The following WDFY2 variants were observed in gnomAD, a reference collection of about 807,000 sequenced individuals.
The protein encoded by WDFY2 is WD repeat and FYVE domain-containing protein 2.
A neutral mutation model predicts 56.4 loss-of-function variants in WDFY2; 36 were observed. That is an observed-to-expected ratio of 0.64 (90% CI 0.49 to 0.84). The LOEUF (loss-of-function observed/expected upper bound fraction) is 0.84. Ranked by LOEUF, WDFY2 falls within the 40% of genes least tolerant of loss-of-function variation. WDFY2 has a pLI of 0.00. For missense variants in WDFY2, 444 were observed against 512.2 expected (o/e 0.87, Z 1.29); for synonymous variants, 176 against 183.7 (o/e 0.96, Z 0.34).
intron 8 of WDFY2, among the ~76,000 whole-genome samples, chr13:51,751,741 G>C (rs911558123): frequency 1.3e-5 from 2 of 152,080 alleles, no homozygotes; most frequent in African/African-American, 4.8e-5. Context: ...CTACAAAAAC[G>C]GAGGACTCAC....
At chr13:51,588,779 T>G (rs1442690646) in intron 1 of WDFY2, 2 of 152,178 alleles carry the variant, frequency 1.3e-5, no homozygotes, top group East Asian at 3.8e-4. Context: ...GTCCTCACAT[T>G]TTGAGGAATC....
At chr13:51,650,872 T>G (rs921458741) in intron 1 of WDFY2, among the ~76,000 whole-genome samples, 2 of 152,182 alleles carry the variant, frequency 1.3e-5, no homozygotes, top group African/African-American at 4.8e-5. Context: ...GGTCTAAAAT[T>G]CTCTTTTTTT....
intron 4 of WDFY2, among the ~76,000 whole-genome samples, chr13:51,705,735 A>G (rs1183766026): frequency 6.6e-6 from 1 of 152,136 alleles, no homozygotes; most frequent in Non-Finnish European, 1.5e-5. Context: ...CAACAATCCA[A>G]TTATACTCTT....
chr13:51,615,415 A>T (rs1337890172), intron 1 of WDFY2, among the ~76,000 whole-genome samples: 1 of 152,122 alleles, frequency 6.6e-6, no homozygotes, highest in East Asian at 1.9e-4. Context: ...TTTAAAATAG[A>T]TAATAAGGAT....
At chr13:51,662,694 C>G (rs1363650491) in intron 2 of WDFY2, among the ~76,000 whole-genome samples, 1 of 152,166 alleles carries the variant, frequency 6.6e-6, no homozygotes, top group Non-Finnish European at 1.5e-5. Flanking sequence ...CTCACTATAG[C>G]TCTTACACCT....
chr13:51,623,005 G>A (rs1332752730), intron 1 of WDFY2, among the ~76,000 whole-genome samples: 1 of 151,790 alleles, frequency 6.6e-6, no homozygotes, highest in Admixed American at 6.6e-5. Flanking sequence ...TTACAAGCAC[G>A]CACAACCATG....
At chr13:51,602,360 A>G (rs541487060) in intron 1 of WDFY2, among the ~76,000 whole-genome samples, 4 of 152,330 alleles carry the variant, frequency 2.6e-5, no homozygotes, top group South Asian at 2.1e-4. Context: ...GTACAGTAAC[A>G]TGTTGTACAG....
chr13:51,686,107 C>T (rs1956058844), intron 3 of WDFY2, among the ~76,000 whole-genome samples: 1 of 152,130 alleles, frequency 6.6e-6, no homozygotes, highest in African/African-American at 2.4e-5. Flanking sequence ...ATTAACATAC[C>T]TTGCCTTCAT....
chr13:51,693,215 C>G (rs1011277278), intron 3 of WDFY2, among the ~76,000 whole-genome samples: 7 of 151,362 alleles, frequency 4.6e-5, no homozygotes, highest in African/African-American at 9.7e-5. Context: ...TATTTCTTGC[C>G]TTCTGCTAGC....
intron 3 of WDFY2, among the ~76,000 whole-genome samples, chr13:51,694,686 C>T (rs1312702071): frequency 1.3e-5 from 2 of 152,214 alleles, no homozygotes; most frequent in East Asian, 3.9e-4. Context: ...TGAGGAGTAT[C>T]TTTGTGGCGT....
At chr13:51,657,353 T>C (rs1955528481) in intron 1 of WDFY2, among the ~76,000 whole-genome samples, 1 of 152,154 alleles carries the variant, frequency 6.6e-6, no homozygotes, top group African/African-American at 2.4e-5. Context: ...TTTACTCGTG[T>C]GGTGACCTTT....
intron 1 of WDFY2, among the ~76,000 whole-genome samples, chr13:51,585,751 A>G (rs1251742812): frequency 6.6e-6 from 1 of 152,232 alleles, no homozygotes; most frequent in Non-Finnish European, 1.5e-5. Flanking sequence ...CGGGGATTTT[A>G]CAGTAAGTAG....
intron 3 of WDFY2, among the ~76,000 whole-genome samples, chr13:51,695,496 G>A (rs193183169): frequency 3.2e-4 from 48 of 152,270 alleles, no homozygotes; most frequent in African/African-American, 9.1e-4. Flanking sequence ...GGAGAACAGC[G>A]GATTTTCATG....
intron 3 of WDFY2, among the ~76,000 whole-genome samples, chr13:51,691,697 T>C (rs1956161823): frequency 6.6e-6 from 1 of 152,130 alleles, no homozygotes; most frequent in African/African-American, 2.4e-5. Context: ...TTTGGTTCCA[T>C]GTGAACTTTA....
chr13:51,684,552 G>A (rs1290216241), intron 3 of WDFY2, among the ~76,000 whole-genome samples: 1 of 152,020 alleles, frequency 6.6e-6, no homozygotes, highest in Non-Finnish European at 1.5e-5. Context: ...TCTCAAGACT[G>A]TGGCCCATTC....
At chr13:51,656,860 T>G (rs1264411400) in intron 1 of WDFY2, among the ~76,000 whole-genome samples, 1 of 152,034 alleles carries the variant, frequency 6.6e-6, no homozygotes, top group African/African-American at 2.4e-5. Flanking sequence ...TTCAACCTAT[T>G]TGTGTCTTTG....
intron 6 of WDFY2, among the ~76,000 whole-genome samples, chr13:51,738,293 A>G (rs1952887259): frequency 6.6e-6 from 1 of 152,260 alleles, no homozygotes; most frequent in African/African-American, 2.4e-5. Context: ...GGACTACCAT[A>G]GAAAATCTAT....
In WDFY2 at chr13:51,760,002, G is replaced by T. The variant is rs1809964373; in HGVS notation, c.*233G>T. ...AAAGAAGCTATTTTTTTAACAAATG[G>T]TTTATACAGTCTGGCTGTGCTGCAT... On this transcript the variant is annotated 3_prime_UTR_variant, in exon 12 of 12. Coordinates refer to ENST00000298125, the MANE Select transcript of WDFY2 (RefSeq NM_052950.4). The T allele has an allele frequency of 8.4e-6, 4 of 475,048 alleles. No individual in the cohort carries two copies. The highest frequency in any genetic ancestry group is 1.1e-5 in the Non-Finnish European group (3 of 264,806). The allele number at this position is 475,048 out of a possible 1,614,324, so 29.4% of individuals were successfully genotyped here. A position where few individuals can be genotyped will look rare whatever the true frequency, so the allele number is the denominator to read the frequency against.
At chr13:51,741,653 G>A (rs990807732) in intron 7 of WDFY2, among the ~76,000 whole-genome samples, 1 of 152,164 alleles carries the variant, frequency 6.6e-6, no homozygotes, top group Non-Finnish European at 1.5e-5. Flanking sequence ...TCGTATTTGA[G>A]TACACCTAAT....
Sources: allele counts gnomAD v4.1 joint callset (sites outside exome capture counted in the v4.1 genomes callset), GRCh38; gene constraint gnomAD v4.1.1; transcripts MANE v1.5; gene names NCBI Gene and HGNC (gene_info 2026-07-23, HGNC 2026-07-21).